CDK13: variants seen among roughly 807,000 people sequenced by gnomAD.
The protein encoded by CDK13 is cyclin dependent kinase 13.
CDK13 carries 40 observed loss-of-function variants against 137.6 expected under a neutral mutation model. The ratio of observed to expected loss-of-function variants is 0.29; its 90% CI spans 0.23 to 0.38. CDK13 has a LOEUF of 0.38. Among genes scored for constraint, CDK13 ranks in the 10% least tolerant of loss-of-function variants. The pLI, the probability that CDK13 is intolerant of heterozygous loss-of-function variation, is 1.00. For missense variants in CDK13, 1,704 were observed against 1,951.8 expected (o/e 0.87, Z 2.39); for synonymous variants, 869 against 760.1 (o/e 1.14, Z -2.36).
chr7:40,051,885 C>G (rs1405246168), intron 7 of CDK13, among the ~76,000 whole-genome samples: 2 of 152,168 alleles, frequency 1.3e-5, no homozygotes, highest in East Asian at 3.8e-4. Flanking sequence ...GGGATTTATA[C>G]TTTGTCCCAT....
At chr7:39,978,871 ACCT>A (rs1319354907) in intron 1 of CDK13, among the ~76,000 whole-genome samples, 1 of 152,102 alleles carries the variant, frequency 6.6e-6, no homozygotes, top group Non-Finnish European at 1.5e-5. Flanking sequence ...AAAGAGGAAC[ACCT>A]CCTTTCTTAA....
At chr7:40,022,858 C>CTTTT (rs200053217) in intron 5 of CDK13, among the ~76,000 whole-genome samples, 2 of 134,648 alleles carry the variant, frequency 1.5e-5, no homozygotes, top group Non-Finnish European at 3.3e-5. Flanking sequence ...TTTTCGTCTT[C>CTTTT]TTTTTTTTTT....
chr7:40,074,940 GAT>G (rs1786511117), intron 9 of CDK13, among the ~76,000 whole-genome samples: 1 of 152,076 alleles, frequency 6.6e-6, no homozygotes, highest in African/African-American at 2.4e-5. Context: ...CTAATTCTAA[GAT>G]AGAAATATTA....
At chr7:39,981,134 A>C (rs978403093) in intron 1 of CDK13, among the ~76,000 whole-genome samples, 2 of 152,184 alleles carry the variant, frequency 1.3e-5, no homozygotes, top group Non-Finnish European at 1.5e-5. Context: ...CCCTAGGCCA[A>C]AGTGGACAGA....
chr7:40,093,312 G>A (rs1168339256), intron 13 of CDK13, 75 bp downstream of exon 13: 4 of 1,227,294 alleles, frequency 3.3e-6, no homozygotes, highest in Admixed American at 2.2e-5. Context: ...TATATATAAT[G>A]TGTATAGTTC....
chr7:39,951,831 G>C lies in CDK13; in HGVS notation c.1190G>C (p.Ser397Thr). Reference sequence around the variant, plus strand: ...AGCAGCAGCTGGCGCCGCTCTCGCAGTCCCTACAGCCCTGTGCTCAGGTGA... The same window carrying C: ...AGCAGCAGCTGGCGCCGCTCTCGCACTCCCTACAGCCCTGTGCTCAGGTGA... ...YSSSSWRRSR[S>T]PYSPVLRRSG... The change falls in exon 1 of 14, where the codon AGT becomes ACT. Residue 397 changes from serine (S) to threonine (T), a missense_variant. Physicochemically the swap from Ser to Thr is moderately conservative, Grantham distance 58 (BLOSUM62 1). Transcript: ENST00000181839. 1 of 1,456,870 alleles carries C rather than the reference G, an allele frequency of 6.9e-7. No homozygotes were observed. The highest frequency in any genetic ancestry group is 9.0e-7 in the Non-Finnish European group (1 of 1,114,188). 90.2% of individuals were successfully genotyped at this position (1,456,870 alleles called of 1,614,324 possible).
intron 9 of CDK13, chr7:40,073,254 G>A (rs1386382110): frequency 6.6e-6 from 1 of 152,098 alleles, no homozygotes; most frequent in Non-Finnish European, 1.5e-5. Context: ...TTCTAACATG[G>A]GTTATATGAT....
intron 12 of CDK13, among the ~76,000 whole-genome samples, chr7:40,091,220 C>T (rs1786915083): frequency 6.6e-6 from 1 of 152,188 alleles, no homozygotes; most frequent in Admixed American, 6.5e-5. Flanking sequence ...TGGTGGCAGG[C>T]GCCTGTAGTC....
At chr7:40,084,124 C>T (rs1299142074) in intron 11 of CDK13, among the ~76,000 whole-genome samples, 1 of 152,122 alleles carries the variant, frequency 6.6e-6, no homozygotes, top group African/African-American at 2.4e-5. Flanking sequence ...GCGGACCTAT[C>T]ACTTGAGGCC....
intron 11 of CDK13, among the ~76,000 whole-genome samples, chr7:40,080,280 G>A (rs1786638056): frequency 6.6e-6 from 1 of 152,072 alleles, no homozygotes; most frequent in Non-Finnish European, 1.5e-5. Context: ...GAGCCACCAC[G>A]CCCAGCCTTT....
In CDK13 at chr7:39,951,122, G is replaced by T. The variant is rs1409394646; in HGVS notation, c.481G>T (p.Gly161Trp). ...GTCCGAGCAGGGGCTGCTGCTGGGG[G>T]GGGCCAGCGCGGCAACGGCGGCGAC... is the stretch of plus-strand genomic sequence containing the variant. ...SQSEQGLLLG[G>W]ASAATAATAA... Residue 161 changes from glycine to tryptophan, a missense_variant, in exon 1 of 14, where the codon GGG becomes TGG. Around this residue, in one of 5 missense-constraint regions of CDK13, gnomAD observed 1,051 missense variants for 931.0 expected, o/e 1.13. Coordinates refer to ENST00000181839, the MANE Select transcript of CDK13 (RefSeq NM_003718.5). 1.6e-6 allele frequency: 2 copies of T among 1,244,650 alleles called. No homozygotes were observed. The highest frequency in any genetic ancestry group is 3.2e-5 in the East Asian group (1 of 31,730). The allele number at this position is 1,244,650 out of a possible 1,614,324, so 77.1% of individuals were successfully genotyped here.
chr7:40,046,683 T>C (rs1020675460), intron 6 of CDK13, among the ~76,000 whole-genome samples: 4 of 151,396 alleles, frequency 2.6e-5, no homozygotes, highest in African/African-American at 9.7e-5. Flanking sequence ...ATATTATAAC[T>C]TGGGATACCT....
At chr7:40,046,123 G>T in intron 6 of CDK13, 98 bp downstream of exon 6, 1 of 790,372 alleles carries the variant, frequency 1.3e-6, no homozygotes. Context: ...GGAATGTCGG[G>T]GGTGGTGAGC....
intron 5 of CDK13, among the ~76,000 whole-genome samples, chr7:40,006,601 G>T (rs1167477084): frequency 6.6e-6 from 1 of 152,090 alleles, no homozygotes; most frequent in Non-Finnish European, 1.5e-5. Flanking sequence ...ATCACCAGAG[G>T]TCAGGAGTTC....
chr7:40,030,065 A>C (rs1410762023), intron 5 of CDK13, among the ~76,000 whole-genome samples: 1 of 152,114 alleles, frequency 6.6e-6, no homozygotes, highest in East Asian at 1.9e-4. Context: ...GATTCTTTCT[A>C]ACCCATGTTT....
In CDK13 at chr7:39,978,223, C is replaced by T. The variant is rs1015126526; in HGVS notation, c.1212-9376C>T. ...GAAAAACCTCAAGGTGCGGAAACAG[C>T]CATAGAAGTAAGAAAATCATGAAGA... On this transcript the variant is annotated intron_variant, in intron 1 of 13. Transcript: ENST00000181839. Among the ~76,000 whole-genome samples, 3 of 152,012 alleles carry T rather than the reference C, an allele frequency of 2.0e-5. No individual in the cohort carries two copies. The South Asian group carries it at 6.2e-4, about 31-fold the overall frequency.
At chr7:40,046,110 C>A in intron 6 of CDK13, 85 bp downstream of exon 6, 1 of 824,158 alleles carries the variant, frequency 1.2e-6, no homozygotes, top group Non-Finnish European at 1.9e-6. Flanking sequence ...ACCGTAGCGG[C>A]GGGGAATGTC....
intron 5 of CDK13, among the ~76,000 whole-genome samples, chr7:40,030,924 G>T (rs1297007870): frequency 1.3e-5 from 2 of 152,124 alleles, no homozygotes; most frequent in Non-Finnish European, 2.9e-5. Flanking sequence ...ACCCACTGAA[G>T]GATATTTTGG....
chr7:40,068,094 A>AG (rs1786322826), intron 9 of CDK13: 1 of 151,538 alleles, frequency 6.6e-6, no homozygotes, highest in South Asian at 2.1e-4. Flanking sequence ...GTCTCAAAAA[A>AG]AAAAAAAAAG....
Sources: allele counts gnomAD v4.1 joint callset (sites outside exome capture counted in the v4.1 genomes callset), GRCh38; gene constraint gnomAD v4.1.1; regional missense constraint gnomAD v4.1.1; transcripts MANE v1.5; gene names NCBI Gene and HGNC (gene_info 2026-07-23, HGNC 2026-07-21).